Variants in NEUROG2 observed in about 807,000 individuals in gnomAD.
The protein encoded by NEUROG2 is neurogenin 2.
NEUROG2 carries 1 observed loss-of-function variant against 2.8 expected under a neutral mutation model. That is an observed-to-expected ratio of 0.36 (90% confidence interval 0.13 to 1.71). The LOEUF (loss-of-function observed/expected upper bound fraction) is 1.71, where lower values mean the gene tolerates loss of function less well. Ranked by LOEUF, NEUROG2 falls within the 40% of genes most tolerant of loss-of-function variation. NEUROG2 has a pLI of 0.34. For missense variants in NEUROG2, 397 were observed against 392.7 expected (o/e 1.01, Z -0.09); for synonymous variants, 211 against 187.7 (o/e 1.12, Z -1.01).
chr4:112,515,356 T>C lies in NEUROG2; in HGVS notation c.120A>G (p.Glu40=), dbSNP rs190378650. 7 of 1,502,870 alleles carry C rather than the reference T, an allele frequency of 4.7e-6. No homozygotes were observed. Among genetic ancestry groups the C allele is most frequent in the Non-Finnish European group, 4.4e-6 (5 of 1,133,224 alleles). The allele number at this position is 1,502,870 out of a possible 1,614,324, so 93.1% of individuals were successfully genotyped here. A position where few individuals can be genotyped will look rare whatever the true frequency, so the allele number is the denominator to read the frequency against. The change falls in exon 2 of 2, where the codon GAA becomes GAG. Residue 40 remains glutamate (E), a synonymous_variant. Transcript: ENST00000313341. The stretch of plus-strand genomic sequence containing the variant: ...CTGACGCGCCCGGCTCCTCCTCCTC[T>C]TCTTCGTCGGCGCTGGATGACAGCG... ...LTPLSSSADE[E]EEEEPGASGG...
Position 112,515,318 on chromosome 4 carries a change from C to G in NEUROG2, c.158G>C (p.Arg53Pro), listed in dbSNP as rs762531271. ...CTGCCCGGCCTCAGCCCCGCGCTGC[C>G]GACGCGCCCCGCCTGACGCGCCCGG... Reference protein sequence around the residue: ...EEPGASGGARRQRGAEAGQGA... With the variant: ...EEPGASGGARPQRGAEAGQGA... Residue 53 changes from arginine (R) to proline (P), a missense_variant, in exon 2 of 2, where the codon CGG (arginine) becomes CCG (proline). Arg to Pro is a moderately radical substitution (Grantham distance 103). Coordinates refer to ENST00000313341, the MANE Select transcript of NEUROG2 (RefSeq NM_024019.4). 1.7e-5 allele frequency: 24 copies of G among 1,415,614 alleles called. No individual in the cohort carries two copies. Among genetic ancestry groups the G allele is most frequent in the Non-Finnish European group, 2.1e-5 (23 of 1,092,462 alleles). 87.7% of individuals were successfully genotyped at this position (1,415,614 alleles called of 1,614,324 possible).
At chr4:112,515,515 A>G in intron 1 of NEUROG2, 39 bp from the exon 2 acceptor site, 1 of 1,481,044 alleles carries the variant, frequency 6.8e-7, no homozygotes, top group Non-Finnish European at 8.9e-7. Context: ...AGTGAGGTGT[A>G]AGGAAAGAAA....
chr4:112,514,711 A>G lies in NEUROG2; in HGVS notation c.765T>C (p.Pro255=), dbSNP rs1578610778. The G allele has an allele frequency of 6.6e-7, 1 of 1,517,240 alleles. No homozygotes were observed. Among genetic ancestry groups the G allele is most frequent in the Non-Finnish European group, 8.8e-7 (1 of 1,135,486 alleles). 94.0% of individuals were successfully genotyped at this position (1,517,240 alleles called of 1,614,324 possible). A position where few individuals can be genotyped will look rare whatever the true frequency, so the allele number is the denominator to read the frequency against. ...GSDMDYWQPP[P]PDKHRYAPHL... ...GAGGTGCATAGCGGTGCTTGTCGGG[A>G]GGTGGGGGCTGCCAATAGTCCATGT... Residue 255 remains proline, a synonymous_variant, in exon 2 of 2, where the codon CCT becomes CCC. Transcript: ENST00000313341.
Position 112,515,333 on chromosome 4 carries a change from GAC to G in NEUROG2, c.141_142del (p.Ser48ArgfsTer10). The stretch of plus-strand genomic sequence containing the variant: ...CCCGCGCTGCCGACGCGCCCCGCCT[GAC>G]GCGCCCGGCTCCTCCTCCTCTTCTT... On this transcript the variant is annotated frameshift_variant, in exon 2 of 2. Transcript: ENST00000313341. LOFTEE classifies it low-confidence loss of function (END_TRUNC). The G allele has an allele frequency of 6.9e-7, 1 of 1,444,738 alleles. No homozygotes were observed. Among genetic ancestry groups the G allele is most frequent in the Non-Finnish European group, 9.1e-7 (1 of 1,103,684 alleles). 89.5% of individuals were successfully genotyped at this position (1,444,738 alleles called of 1,614,324 possible).
chr4:112,515,761 G>T, intron 1 of NEUROG2, 86 bp downstream of exon 1: 1 of 278,802 alleles, frequency 3.6e-6, no homozygotes, highest in Admixed American at 5.6e-5. Context: ...CAAAGATTCT[G>T]CGCGGAGCAG....
intron 1 of NEUROG2, 84 bp from the exon 2 acceptor site, chr4:112,515,560 C>G: frequency 2.5e-6 from 3 of 1,211,486 alleles, no homozygotes; most frequent in Non-Finnish European, 3.3e-6. Flanking sequence ...GGGGCGTGCT[C>G]CGGCGCGCAC....
chr4:112,513,642 A>T lies in NEUROG2; in HGVS notation c.*1015T>A, dbSNP rs867505663. 1 of 152,648 alleles carries T rather than the reference A, an allele frequency of 6.6e-6. No individual in the cohort carries two copies. The highest frequency in any genetic ancestry group is 1.5e-5 in the Non-Finnish European group (1 of 68,038). 9.5% of individuals were successfully genotyped at this position (152,648 alleles called of 1,614,324 possible). A position where few individuals can be genotyped will look rare whatever the true frequency, so the allele number is the denominator to read the frequency against. ...AAAAATACATATTTTCCCATGAAAAATTTCTTTATAATAAATAGAAGGGAA... is the reference window on the plus strand; with the variant it reads ...AAAAATACATATTTTCCCATGAAAATTTTCTTTATAATAAATAGAAGGGAA... On this transcript the variant is annotated 3_prime_UTR_variant, in exon 2 of 2. Transcript: ENST00000313341.
chr4:112,513,961 A>G lies in NEUROG2; in HGVS notation c.*696T>C, dbSNP rs544073767. The G allele has an allele frequency of 3.3e-5, 5 of 152,784 alleles. No individual in the cohort carries two copies. The highest frequency in any genetic ancestry group is 1.2e-4 in the African/African-American group (5 of 41,568). The allele number at this position is 152,784 out of a possible 1,614,324, so 9.5% of individuals were successfully genotyped here. ...AAAACAAGTTTTTTTCCCCTTATAAATCATAAGAGACAGATGGCAAAATGG... is the reference window on the plus strand; with the variant it reads ...AAAACAAGTTTTTTTCCCCTTATAAGTCATAAGAGACAGATGGCAAAATGG... On this transcript the variant is annotated 3_prime_UTR_variant, in exon 2 of 2. Transcript: ENST00000313341.
Position 112,514,745 on chromosome 4 carries a change from G to A in NEUROG2, c.731C>T (p.Ala244Val). ...CTGCCAATAGTCCATGTCTGACCCG[G>A]CCGGGCTGGCGGGCGATAAAGTGCA... ...YSCTLSPASPAGSDMDYWQPP... is the reference protein window; with the variant it reads ...YSCTLSPASPVGSDMDYWQPP... The change falls in exon 2 of 2, where the codon GCC (alanine) becomes GTC (valine). Residue 244 changes from alanine (A) to valine (V), a missense_variant. Coordinates refer to ENST00000313341, the MANE Select transcript of NEUROG2 (RefSeq NM_024019.4). 6.5e-7 allele frequency: 1 copy of A among 1,531,454 alleles called. No individual in the cohort carries two copies. The highest frequency in any genetic ancestry group is 8.7e-7 in the Non-Finnish European group (1 of 1,143,600). 94.9% of individuals were successfully genotyped at this position (1,531,454 alleles called of 1,614,324 possible).
rs930015720 is a variant in NEUROG2, at chr4:112,513,532, GTTTA to G, written c.*1121_*1124del. ...CACACAAACTTATGAAAATTAGATA[GTTTA>G]TTTATAGTTTAATCACAAGAACAAC... On this transcript the variant is annotated 3_prime_UTR_variant, in exon 2 of 2. Transcript: ENST00000313341. The G allele has an allele frequency of 2.0e-5, 3 of 152,516 alleles. No individual in the cohort carries two copies. The highest frequency in any genetic ancestry group is 7.2e-5 in the African/African-American group (3 of 41,442). 9.4% of individuals were successfully genotyped at this position (152,516 alleles called of 1,614,324 possible).
Position 112,514,312 on chromosome 4 carries a change from G to C in NEUROG2, c.*345C>G, listed in dbSNP as rs1736374980. The C allele has an allele frequency of 1.2e-5, 3 of 255,404 alleles. No homozygotes were observed. The highest frequency in any genetic ancestry group is 2.2e-5 in the Non-Finnish European group (3 of 135,388). 15.8% of individuals were successfully genotyped at this position (255,404 alleles called of 1,614,324 possible). ...CTGCACCAAGTCCTTCGGCGTTAAA[G>C]AGAAAGGGGAGGAGCGTCAGTCCGC... On this transcript the variant is annotated 3_prime_UTR_variant, in exon 2 of 2. Transcript: ENST00000313341.
In NEUROG2 at chr4:112,514,635, G is replaced by C. The variant is rs776442811; in HGVS notation, c.*22C>G. The C allele has an allele frequency of 4.0e-6, 6 of 1,490,016 alleles. No homozygotes were observed. Among genetic ancestry groups the C allele is most frequent in the Non-Finnish European group, 5.3e-6 (6 of 1,121,910 alleles). The allele number at this position is 1,490,016 out of a possible 1,614,324, so 92.3% of individuals were successfully genotyped here. On this transcript the variant is annotated 3_prime_UTR_variant, in exon 2 of 2. Transcript: ENST00000313341. ...GAAAGGGAACCCACTAAGGCCTGGC[G>C]TGGGTAGCAGAAATGGCAGCTCTAG...
Position 112,515,651 on chromosome 4 carries a change from C to G in NEUROG2, c.-1-175G>C, listed in dbSNP as rs565865965. ...GCAGTGCTAACCAAGGTCAGGAGCGCCGCTAGCGCTCGCTGTGACCCTGCT... is the reference window on the plus strand; with the variant it reads ...GCAGTGCTAACCAAGGTCAGGAGCGGCGCTAGCGCTCGCTGTGACCCTGCT... On this transcript the variant is annotated intron_variant, in intron 1 of 1. Coordinates refer to ENST00000313341, the MANE Select transcript of NEUROG2 (RefSeq NM_024019.4). 4.1e-5 allele frequency: 19 copies of G among 461,564 alleles called. No individual in the cohort carries two copies. In the South Asian group the frequency reaches 9.3e-4, roughly 22 times the overall value. 28.6% of individuals were successfully genotyped at this position (461,564 alleles called of 1,614,324 possible).
Position 112,515,383 on chromosome 4 carries a change from G to T in NEUROG2, c.93C>A (p.Thr31=), listed in dbSNP as rs914150874. ...GSASPALAAL[T]PLSSSADEEE... ...CTTCGTCGGCGCTGGATGACAGCGG[G>T]GTCAGGGCCGCCAAGGCGGGGGAGG... is the stretch of plus-strand genomic sequence containing the variant. The change falls in exon 2 of 2, where the codon ACC becomes ACA. Residue 31 remains threonine (T), a synonymous_variant. Coordinates refer to ENST00000313341, the MANE Select transcript of NEUROG2 (RefSeq NM_024019.4). 7 of 1,525,184 alleles carry T rather than the reference G, an allele frequency of 4.6e-6. No individual in the cohort carries two copies. The highest frequency in any genetic ancestry group is 6.1e-6 in the Non-Finnish European group (7 of 1,146,502). The allele number at this position is 1,525,184 out of a possible 1,614,324, so 94.5% of individuals were successfully genotyped here.
chr4:112,515,621 C>A, intron 1 of NEUROG2, 145 bp from the exon 2 acceptor site: 3 of 597,610 alleles, frequency 5.0e-6, no homozygotes, highest in South Asian at 7.8e-5. Context: ...AAGGAAGAAA[C>A]CCAGGCAGTG....
At position 112,514,942 on chromosome 4, in the gene NEUROG2, G is replaced by A. The variant is rs758924537; in HGVS notation, c.534C>T (p.Gly178=). The change falls in exon 2 of 2, where the codon GGC becomes GGT. Residue 178 remains glycine (G), a synonymous_variant. Transcript: ENST00000313341. ...AGAAGAGCGCCCCCGGCAGGCCCCC[G>A]CCGCCGCCCCCGCAGTGATCCGCCA... ...LRLADHCGGG[G]GGLPGALFSE... is the part of the protein sequence containing the mutation. 8.7e-6 allele frequency: 14 copies of A among 1,610,252 alleles called. No homozygotes were observed. Among genetic ancestry groups the A allele is most frequent in the Non-Finnish European group, 8.5e-7 (1 of 1,178,876 alleles).
Position 112,514,801 on chromosome 4 carries a change from G to A in NEUROG2, c.675C>T (p.Ser225=). 3.8e-6 allele frequency: 6 copies of A among 1,562,084 alleles called. No individual in the cohort carries two copies. Among genetic ancestry groups the A allele is most frequent in the Non-Finnish European group, 3.4e-6 (4 of 1,159,874 alleles). ...SCTNSPAPSS[S]VSSNSTSPYS... is the part of the protein sequence containing the mutation. ...AGGGGGAGGTGGAATTGGAGGACAC[G>A]GAGGAGGACGGCGCGGGGCTGTTGG... The change falls in exon 2 of 2, where the codon TCC becomes TCT. Residue 225 remains serine, a synonymous_variant. Coordinates refer to ENST00000313341, the MANE Select transcript of NEUROG2 (RefSeq NM_024019.4).
At position 112,514,846 on chromosome 4, in the gene NEUROG2, G is replaced by T; in HGVS notation, c.630C>A (p.Pro210=). The T allele has an allele frequency of 6.3e-7, 1 of 1,591,300 alleles. No individual in the cohort carries two copies. ...ALSSSGDSPS[P]ASTWSCTNSP... is the part of the protein sequence containing the mutation. ...TGTTGGTGCAACTCCACGTGGAGGC[G>T]GGCGAGGGGCTGTCTCCGCTGCTGC... The change falls in exon 2 of 2, where the codon CCC becomes CCA. Residue 210 remains proline (P), a synonymous_variant. Transcript: ENST00000313341.
rs200923931 is a variant in NEUROG2, at chr4:112,515,310, C to T, written c.166G>A (p.Gly56Arg). The T allele has an allele frequency of 7.1e-6, 10 of 1,412,710 alleles. No individual in the cohort carries two copies. The highest frequency in any genetic ancestry group is 3.0e-5 in the African/African-American group (2 of 67,110). 87.5% of individuals were successfully genotyped at this position (1,412,710 alleles called of 1,614,324 possible). ...CGCGCCCCCTGCCCGGCCTCAGCCCCGCGCTGCCGACGCGCCCCGCCTGAC... is the reference window on the plus strand; with the variant it reads ...CGCGCCCCCTGCCCGGCCTCAGCCCTGCGCTGCCGACGCGCCCCGCCTGAC... The part of the protein sequence containing the change: ...GASGGARRQR[G>R]AEAGQGARGG... Residue 56 changes from glycine (G) to arginine (R), a missense_variant, in exon 2 of 2, where the codon GGG becomes AGG. Coordinates refer to ENST00000313341, the MANE Select transcript of NEUROG2 (RefSeq NM_024019.4).
Sources: allele counts gnomAD v4.1 joint callset, GRCh38; gene constraint gnomAD v4.1.1; transcripts MANE v1.5; gene names NCBI Gene and HGNC (gene_info 2026-07-23, HGNC 2026-07-21).